TMEM39B: variants seen among roughly 807,000 people sequenced by gnomAD.
TMEM39B encodes the protein transmembrane protein 39B.
TMEM39B carries 23 observed loss-of-function variants against 52.2 expected under a neutral mutation model. The ratio of observed to expected loss-of-function variants is 0.44; its 90% CI spans 0.32 to 0.62. The LOEUF (loss-of-function observed/expected upper bound fraction) is 0.62, where lower values mean the gene tolerates loss of function less well. Among genes scored for constraint, TMEM39B ranks in the 20% least tolerant of loss-of-function variants. The probability of loss-of-function intolerance (pLI) is 0.06; values close to 1 mark genes in which losing one functional copy is unlikely to be tolerated. For synonymous variants in TMEM39B, 285 were observed against 264.0 expected (o/e 1.08, Z -0.77); for missense variants, 547 against 642.0 (o/e 0.85, Z 1.60).
chr1:32,077,082 A>G (rs1557911016), intron 4 of TMEM39B, 82 bp from the exon 5 acceptor site: 8 of 1,570,284 alleles, frequency 5.1e-6, no homozygotes, highest in Non-Finnish European at 8.7e-7. Flanking sequence ...GTGGGATCAC[A>G]GGTCATGCTG....
At chr1:32,079,329 C>T (rs188858793) in intron 5 of TMEM39B, among the ~76,000 whole-genome samples, 24 of 152,056 alleles carry the variant, frequency 1.6e-4, no homozygotes, top group Admixed American at 1.4e-3. Context: ...GGACTACAGG[C>T]GCCTGCCACC....
chr1:32,087,319 C>CAAA (rs1207083221), intron 5 of TMEM39B, among the ~76,000 whole-genome samples: 1,729 of 28,814 alleles, frequency 0.06, 161 homozygotes, highest in African/African-American at 0.18. Context: ...CTCCGTCTCA[C>CAAA]AAAAAAAAAA....
chr1:32,089,245 C>T (rs984598517), intron 5 of TMEM39B, among the ~76,000 whole-genome samples: 1 of 149,098 alleles, frequency 6.7e-6, no homozygotes, highest in Non-Finnish European at 1.5e-5. Flanking sequence ...ATCAGGTGAT[C>T]TTCCCACCTC....
In TMEM39B at chr1:32,073,032, G is replaced by A. The variant is rs1162225786; in HGVS notation, c.-16G>A. On this transcript the variant is annotated 5_prime_UTR_variant, in exon 1 of 9. Coordinates refer to ENST00000336294, the MANE Select transcript of TMEM39B (RefSeq NM_018056.4). ...AGGAGCTGCGGCGGCGAAGCGGAGA[G>A]CACCGGGGGGAGGAGATGGGTGAGC... is the stretch of plus-strand genomic sequence containing the variant. 1.3e-6 allele frequency: 2 copies of A among 1,527,070 alleles called. No individual in the cohort carries two copies. Among genetic ancestry groups the A allele is most frequent in the South Asian group, 2.4e-5 (2 of 82,296 alleles). The allele number at this position is 1,527,070 out of a possible 1,614,324, so 94.6% of individuals were successfully genotyped here.
At chr1:32,086,638 G>A (rs1047734748) in intron 5 of TMEM39B, among the ~76,000 whole-genome samples, 2 of 152,122 alleles carry the variant, frequency 1.3e-5, no homozygotes, top group Admixed American at 6.6e-5. Flanking sequence ...ATGGTAGCCT[G>A]CACCTGTAGT....
rs1355832914 is a variant in TMEM39B at position 32,073,002 on chromosome 1, C to T, written c.-46C>T. The T allele has an allele frequency of 1.3e-6, 2 of 1,532,742 alleles. No homozygotes were observed. Among genetic ancestry groups the T allele is most frequent in the South Asian group, 1.2e-5 (1 of 83,158 alleles). The allele number at this position is 1,532,742 out of a possible 1,614,324, so 94.9% of individuals were successfully genotyped here. A position where few individuals can be genotyped will look rare whatever the true frequency, so the allele number is the denominator to read the frequency against. On this transcript the variant is annotated 5_prime_UTR_variant, in exon 1 of 9. Transcript: ENST00000336294. ...GGCCGCCGTCGCCTCCGACATATTG[C>T]CCGCAGGAGCTGCGGCGGCGAAGCG...
intron 5 of TMEM39B, among the ~76,000 whole-genome samples, chr1:32,079,772 A>G (rs567255567): frequency 2.1e-5 from 3 of 141,938 alleles, no homozygotes; most frequent in Non-Finnish European, 4.6e-5. Context: ...TCTATTGGCA[A>G]TTTTTTTTTT....
intron 5 of TMEM39B, among the ~76,000 whole-genome samples, chr1:32,086,750 G>C (rs1640365100): frequency 6.6e-6 from 1 of 151,222 alleles, no homozygotes; most frequent in Non-Finnish European, 1.5e-5. Flanking sequence ...CTGGGAAACA[G>C]AGCCAGGCCC....
intron 1 of TMEM39B, chr1:32,073,570 A>C (rs1051027087): frequency 1.0e-6 from 1 of 990,172 alleles, no homozygotes; most frequent in African/African-American, 1.7e-5. Context: ...GAGGGGCTTT[A>C]TGTGGGTGCA....
At chr1:32,092,091 G>T in intron 6 of TMEM39B, 80 bp downstream of exon 6, 1 of 1,325,782 alleles carries the variant, frequency 7.5e-7, no homozygotes, top group Non-Finnish European at 1.0e-6. Flanking sequence ...TTCTCCTGCT[G>T]GCCTAACTAT....
At chr1:32,093,963 C>T (rs1475693242) in intron 6 of TMEM39B, among the ~76,000 whole-genome samples, 9 of 151,098 alleles carry the variant, frequency 6.0e-5, no homozygotes, top group South Asian at 2.1e-4. Flanking sequence ...GGACTACAGG[C>T]GCCCGCCACC....
At chr1:32,099,080 G>A (rs919304152) in intron 7 of TMEM39B, among the ~76,000 whole-genome samples, 1 of 152,026 alleles carries the variant, frequency 6.6e-6, no homozygotes, top group Non-Finnish European at 1.5e-5. Context: ...GCGAAACCCC[G>A]TCTCTACAAA....
intron 6 of TMEM39B, among the ~76,000 whole-genome samples, chr1:32,093,669 C>T (rs1381214662): frequency 6.6e-6 from 1 of 151,954 alleles, no homozygotes; most frequent in Non-Finnish European, 1.5e-5. Flanking sequence ...AACTTAGCCT[C>T]CCAAAGTGCT....
chr1:32,082,638 T>C (rs1640153986), intron 5 of TMEM39B, among the ~76,000 whole-genome samples: 1 of 151,766 alleles, frequency 6.6e-6, no homozygotes. Context: ...GTATTTTTAG[T>C]AGAGATGGGG....
chr1:32,086,358 A>G (rs991764779), intron 5 of TMEM39B, among the ~76,000 whole-genome samples: 1 of 152,180 alleles, frequency 6.6e-6, no homozygotes, highest in African/African-American at 2.4e-5. Context: ...TGTACCGTCC[A>G]GTTGAGTAGC....
chr1:32,078,626 A>G (rs983263915), intron 5 of TMEM39B, among the ~76,000 whole-genome samples: 2 of 152,228 alleles, frequency 1.3e-5, no homozygotes, highest in South Asian at 2.1e-4. Flanking sequence ...TTTCTGTGCA[A>G]GTACACACAC....
chr1:32,089,985 C>G (rs183175126), intron 5 of TMEM39B, among the ~76,000 whole-genome samples: 1 of 151,330 alleles, frequency 6.6e-6, no homozygotes, highest in Non-Finnish European at 1.5e-5. Context: ...GCTAAGATCG[C>G]GGCACTGCAC....
chr1:32,074,180 G>T (rs1424678535), intron 1 of TMEM39B, among the ~76,000 whole-genome samples: 1 of 152,120 alleles, frequency 6.6e-6, no homozygotes, highest in Non-Finnish European at 1.5e-5. Context: ...GATTCTCCCA[G>T]CCATATCCTT....
At chr1:32,088,228 A>G (rs1197182886) in intron 5 of TMEM39B, among the ~76,000 whole-genome samples, 1 of 150,090 alleles carries the variant, frequency 6.7e-6, no homozygotes, top group Non-Finnish European at 1.5e-5. Flanking sequence ...AATCTTGGCT[A>G]ACATGGTGAA....
Sources: gnomAD v4.1 joint callset for allele counts (sites outside exome capture counted in the v4.1 genomes callset) on GRCh38, gnomAD v4.1.1 for gene constraint, MANE v1.5 for transcripts, NCBI Gene and HGNC (gene_info 2026-07-23, HGNC 2026-07-21) for gene names.